The following PTPRS variants were observed in gnomAD, a reference collection of about 807,000 sequenced individuals.
PTPRS encodes the protein receptor-type tyrosine-protein phosphatase S.
PTPRS carries 63 observed loss-of-function variants against 215.3 expected under a neutral mutation model. The observed-to-expected ratio is 0.29, with a 90% CI of 0.24 to 0.36. The LOEUF (loss-of-function observed/expected upper bound fraction) is 0.36. Ranked by LOEUF, PTPRS falls within the 10% of genes least tolerant of loss-of-function variation. PTPRS has a pLI of 1.00. For synonymous variants in PTPRS, 1,404 were observed against 1,191.4 expected (o/e 1.18, Z -3.68); for missense variants, 2,258 against 2,825.8 (o/e 0.80, Z 4.56).
At chr19:5,216,498 GACACACACATACACACC>G (rs1396529419) in intron 26 of PTPRS, among the ~76,000 whole-genome samples, 1 of 151,898 alleles carries the variant, frequency 6.6e-6, no homozygotes, top group Non-Finnish European at 1.5e-5. Flanking sequence ...CCACATCCCT[GACACACACATACACACC>G]ACACACACAG....
chr19:5,238,836 G>A (rs529286381), intron 13 of PTPRS, 83 bp downstream of exon 13: 6 of 1,455,304 alleles, frequency 4.1e-6, no homozygotes, highest in African/African-American at 1.5e-5. Context: ...AGCAGGCCCC[G>A]CCTGGGTCCG....
chr19:5,224,005 C>A (rs1240778002), intron 17 of PTPRS, among the ~76,000 whole-genome samples: 1 of 151,748 alleles, frequency 6.6e-6, no homozygotes, highest in East Asian at 2.0e-4. Context: ...ATGGTGAAAC[C>A]CTGTCTCTAC....
At chr19:5,310,028 G>T (rs2049643882) in intron 1 of PTPRS, among the ~76,000 whole-genome samples, 1 of 152,078 alleles carries the variant, frequency 6.6e-6, no homozygotes, top group Non-Finnish European at 1.5e-5. Context: ...TGCACAACCT[G>T]CTCTGTCCTC....
rs545658474 is a variant in PTPRS, at chr19:5,206,060, T to TAAA, written c.*711_*713dup. On this transcript the variant is annotated 3_prime_UTR_variant, in exon 38 of 38. Coordinates refer to ENST00000262963, the MANE Select transcript of PTPRS (RefSeq NM_002850.4). ...CACACTTTCTGATGGTAGGAAAAAT[T>TAAA]AAAAAAAAAAAAAAAAAAAAAAAAG... Among the ~76,000 whole-genome samples the TAAA allele has an allele frequency of 3.1e-4, 22 of 70,244 alleles. No individual in the cohort carries two copies. Among genetic ancestry groups the TAAA allele is most frequent in the African/African-American group, 4.8e-4 (9 of 18,932 alleles). 46.1% of individuals were successfully genotyped at this position (70,244 alleles called of 152,430 possible).
In PTPRS at chr19:5,330,227, C is replaced by T. The variant is rs113229079; in HGVS notation, c.-95+10437G>A. Reference sequence around the variant, plus strand: ...GGTGCAGCCTCCAGGAGTGTAGAAACGACATCCTGTCCAGAAACAACGCCT... The same window carrying T: ...GGTGCAGCCTCCAGGAGTGTAGAAATGACATCCTGTCCAGAAACAACGCCT... On this transcript the variant is annotated intron_variant, in intron 1 of 37. Transcript: ENST00000262963. Among the ~76,000 whole-genome samples the T allele has an allele frequency of 1.2e-3, 189 of 152,242 alleles. 1 individual carries two copies. Among genetic ancestry groups the T allele is most frequent in the African/African-American group, 4.0e-3 (168 of 41,540 alleles).
In PTPRS at chr19:5,257,136, A is replaced by G. The variant is rs964242755; in HGVS notation, c.706+881T>C. 3.3e-5 allele frequency among the ~76,000 whole-genome samples: 5 copies of G among 149,880 alleles called. No homozygotes were observed. Among genetic ancestry groups the G allele is most frequent in the African/African-American group, 1.2e-4 (5 of 40,670 alleles). On this transcript the variant is annotated intron_variant, in intron 8 of 37. Transcript: ENST00000262963. This position sits in a 1 kb window ranked among gnomAD's most constrained non-coding sequence, Gnocchi z 4.4. Reference sequence around the variant, plus strand: ...CAACTTCTGAAAAGACCCAAGAGCCAACACACGAGATAAGAGGAGGCCAAC... The same window carrying G: ...CAACTTCTGAAAAGACCCAAGAGCCGACACACGAGATAAGAGGAGGCCAAC...
chr19:5,218,202 TAAA>T (rs5826876), intron 25 of PTPRS, among the ~76,000 whole-genome samples: 3 of 146,238 alleles, frequency 2.1e-5, no homozygotes, highest in African/African-American at 7.6e-5. Context: ...ATGTTAACTT[TAAA>T]AAAAAAAAAG....
intron 2 of PTPRS, among the ~76,000 whole-genome samples, chr19:5,281,338 G>A (rs959353355): frequency 6.6e-6 from 1 of 152,104 alleles, no homozygotes; most frequent in Non-Finnish European, 1.5e-5. Flanking sequence ...GCGCATGCCT[G>A]TAATCCCAGC....
At chr19:5,290,354 C>T (rs2048708964) in intron 1 of PTPRS, among the ~76,000 whole-genome samples, 1 of 152,212 alleles carries the variant, frequency 6.6e-6, no homozygotes, top group Non-Finnish European at 1.5e-5. Context: ...CTGGCCACTG[C>T]GAGATCTCTG....
chr19:5,318,120 G>A (rs1402040710), intron 1 of PTPRS, among the ~76,000 whole-genome samples: 3 of 150,784 alleles, frequency 2.0e-5, no homozygotes, highest in Non-Finnish European at 4.4e-5. Flanking sequence ...GCAGTGAGCC[G>A]AGATCACGCC....
At chr19:5,269,180 G>A (rs543314211) in intron 4 of PTPRS, among the ~76,000 whole-genome samples, 19 of 152,162 alleles carry the variant, frequency 1.2e-4, no homozygotes, top group African/African-American at 3.6e-4. Context: ...ATGTGCTCAC[G>A]CTTGCCCGTG....
rs182231384 is a variant in PTPRS at position 5,264,177 on chromosome 19, T to G, written c.568+831A>C. 2.0e-3 allele frequency among the ~76,000 whole-genome samples: 301 copies of G among 152,328 alleles called. 6 individuals are homozygous for G. In the East Asian group the frequency reaches 0.042, roughly 21 times the overall value. ...AAGCCCCGCCATCACCTCTTACTGCTCAGCCTTGGAGAGACTCTCTCCCTG... is the reference window on the plus strand; with the variant it reads ...AAGCCCCGCCATCACCTCTTACTGCGCAGCCTTGGAGAGACTCTCTCCCTG... On this transcript the variant is annotated intron_variant, in intron 5 of 37. Coordinates refer to ENST00000262963, the MANE Select transcript of PTPRS (RefSeq NM_002850.4).
Position 5,206,489 on chromosome 19 carries a change from A to AT in PTPRS, c.*284dup. On this transcript the variant is annotated 3_prime_UTR_variant, in exon 38 of 38. Transcript: ENST00000262963. The stretch of plus-strand genomic sequence containing the variant: ...TGGGGAGCACTCCTATTTGCTCACC[A>AT]TCCCCCCACCCCCCACCCCGGAATC... 3.0e-6 allele frequency: 1 copy of AT among 332,254 alleles called. No individual in the cohort carries two copies. The highest frequency in any genetic ancestry group is 2.7e-5 in the South Asian group (1 of 37,080). The allele number at this position is 332,254 out of a possible 1,614,324, so 20.6% of individuals were successfully genotyped here.
chr19:5,219,002 A>C, intron 23 of PTPRS: 1 of 645,860 alleles, frequency 1.5e-6, no homozygotes. Context: ...CAGCCCTGGG[A>C]TGTGCCCCAT....
At chr19:5,267,215 C>CGG (rs376209369) in intron 4 of PTPRS, among the ~76,000 whole-genome samples, 3 of 105,978 alleles carry the variant, frequency 2.8e-5, no homozygotes, top group African/African-American at 1.0e-4. Context: ...GATGTGGGGG[C>CGG]GGGGGGGAGC....
intron 9 of PTPRS, among the ~76,000 whole-genome samples, chr19:5,253,094 G>A (rs1407476249): frequency 1.3e-5 from 2 of 152,066 alleles, no homozygotes; most frequent in Non-Finnish European, 2.9e-5. Context: ...AACCAGAAAA[G>A]AACATTCATA....
Position 5,205,982 on chromosome 19 carries a change from G to GA in PTPRS, c.*791dup, listed in dbSNP as rs71743139. Among the ~76,000 whole-genome samples, 43 of 132,068 alleles carry GA rather than the reference G, an allele frequency of 3.3e-4. No homozygotes were observed. Among genetic ancestry groups the GA allele is most frequent in the Admixed American group, 1.2e-3 (15 of 12,408 alleles). The allele number at this position is 132,068 out of a possible 152,430, so 86.6% of individuals were successfully genotyped here. A position where few individuals can be genotyped will look rare whatever the true frequency, so the allele number is the denominator to read the frequency against. ...TTTATAAAAATGAAACAAAAAGGGG[G>GA]AAAAAAAAAGCCAAGAAAGAAAAAA... On this transcript the variant is annotated 3_prime_UTR_variant, in exon 38 of 38. Transcript: ENST00000262963.
chr19:5,223,404 T>G lies in PTPRS; in HGVS notation c.2495-107A>C, dbSNP rs936069719. The G allele has an allele frequency of 2.3e-5, 29 of 1,239,728 alleles. No individual in the cohort carries two copies. The African/African-American group carries it at 4.5e-4, about 19-fold the overall frequency. The allele number at this position is 1,239,728 out of a possible 1,614,324, so 76.8% of individuals were successfully genotyped here. A position where few individuals can be genotyped will look rare whatever the true frequency, so the allele number is the denominator to read the frequency against. ...CTTTTCCTTCAATATAACATTTTTT[T>G]GAGTTGGGGGGGGTCTTACTCTGTT... On this transcript the variant is annotated intron_variant, in intron 17 of 37. Transcript: ENST00000262963.
intron 18 of PTPRS, among the ~76,000 whole-genome samples, chr19:5,222,477 A>C (rs2042075799): frequency 8.4e-6 from 1 of 119,690 alleles, no homozygotes; most frequent in Non-Finnish European, 1.7e-5. Flanking sequence ...GGAGGGGAGC[A>C]AGGGGAGGGG....
Sources: allele counts gnomAD v4.1 joint callset (sites outside exome capture counted in the v4.1 genomes callset), GRCh38; gene constraint gnomAD v4.1.1; non-coding constraint Gnocchi (gnomAD v3.1); transcripts MANE v1.5; gene names NCBI Gene and HGNC (gene_info 2026-07-23, HGNC 2026-07-21).